The following KIRREL3 variants were observed in gnomAD, a reference collection of about 807,000 sequenced individuals.
KIRREL3 encodes kin of IRRE-like protein 3.
A neutral mutation model predicts 89.7 loss-of-function variants in KIRREL3; 36 were observed. The ratio of observed to expected loss-of-function variants is 0.40; its 90% CI spans 0.31 to 0.53. The LOEUF (loss-of-function observed/expected upper bound fraction) is 0.53, where lower values mean the gene tolerates loss of function less well. Among genes scored for constraint, KIRREL3 ranks in the 20% least tolerant of loss-of-function variants. The pLI, the probability that KIRREL3 is intolerant of heterozygous loss-of-function variation, is 0.49. For missense variants in KIRREL3, 864 were observed against 1,056.6 expected (o/e 0.82, Z 2.53); for synonymous variants, 445 against 441.4 (o/e 1.01, Z -0.10).
rs1212693017 is a variant in KIRREL3, at chr11:126,843,401, G to T, written c.55+157054C>A. 6.6e-6 allele frequency among the ~76,000 whole-genome samples: 1 copy of T among 152,138 alleles called. No homozygotes were observed. Among genetic ancestry groups the T allele is most frequent in the Non-Finnish European group, 1.5e-5 (1 of 68,036 alleles). Reference sequence around the variant, plus strand: ...GTGAGTGAGATTTCATGGGAGGTTGGAGTGGGTGAGCTCACTCACTCTGCC... The same window carrying T: ...GTGAGTGAGATTTCATGGGAGGTTGTAGTGGGTGAGCTCACTCACTCTGCC... On this transcript the variant is annotated intron_variant, in intron 1 of 16. Transcript: ENST00000525144. This position sits in a 1 kb window ranked among gnomAD's most constrained non-coding sequence, Gnocchi z 4.6.
At chr11:126,881,166 A>G (rs975761276) in intron 1 of KIRREL3, among the ~76,000 whole-genome samples, 2 of 152,206 alleles carry the variant, frequency 1.3e-5, no homozygotes, top group African/African-American at 4.8e-5. Context: ...TGTCACTGTA[A>G]CGTACCTAAT....
chr11:126,573,534 G>A (rs1941088274), intron 1 of KIRREL3, among the ~76,000 whole-genome samples: 1 of 150,994 alleles, frequency 6.6e-6, no homozygotes, highest in African/African-American at 2.4e-5. Flanking sequence ...AGCGGAAAAG[G>A]CAGGGAACCC....
chr11:126,809,657 T>A (rs929254678), intron 1 of KIRREL3, among the ~76,000 whole-genome samples: 5 of 152,232 alleles, frequency 3.3e-5, no homozygotes, highest in Non-Finnish European at 4.4e-5. Flanking sequence ...GTTAGAGGAC[T>A]CACAGAAGTC....
rs1324635346 is a variant in KIRREL3 at position 126,750,129 on chromosome 11, C to T, written c.56-187217G>A. On this transcript the variant is annotated intron_variant, in intron 1 of 16. Coordinates refer to ENST00000525144, the MANE Select transcript of KIRREL3 (RefSeq NM_032531.4). This position sits in a 1 kb window ranked among gnomAD's most constrained non-coding sequence, Gnocchi z 4.2. ...ATGGATGGAATAAATAAGTGCCTTGCACATAGTAGGCACAGAATACACAAT... is the reference window on the plus strand; with the variant it reads ...ATGGATGGAATAAATAAGTGCCTTGTACATAGTAGGCACAGAATACACAAT... Among the ~76,000 whole-genome samples the T allele has an allele frequency of 6.6e-6, 1 of 152,198 alleles. No individual in the cohort carries two copies. Among genetic ancestry groups the T allele is most frequent in the Non-Finnish European group, 1.5e-5 (1 of 68,036 alleles).
At chr11:126,507,954 A>G (rs753806209) in intron 4 of KIRREL3, among the ~76,000 whole-genome samples, 3 of 152,166 alleles carry the variant, frequency 2.0e-5, no homozygotes, top group Non-Finnish European at 4.4e-5. Context: ...CATCTTTAAA[A>G]TGAGTTCTCT....
Position 126,501,503 on chromosome 11 carries a change from G to A in KIRREL3, c.433+19812C>T, listed in dbSNP as rs1246938910. Among the ~76,000 whole-genome samples, 6 of 152,116 alleles carry A rather than the reference G, an allele frequency of 3.9e-5. No individual in the cohort carries two copies. The highest frequency in any genetic ancestry group is 1.4e-4 in the African/African-American group (6 of 41,404). ...AGCCCGTCCTGGGTCCTGTTGATGTGCTACACATTGCAGGGAGCATTTTCA... is the reference window on the plus strand; with the variant it reads ...AGCCCGTCCTGGGTCCTGTTGATGTACTACACATTGCAGGGAGCATTTTCA... On this transcript the variant is annotated intron_variant, in intron 4 of 16. Coordinates refer to ENST00000525144, the MANE Select transcript of KIRREL3 (RefSeq NM_032531.4). The surrounding 1 kb of genome is among the most constrained non-coding windows in gnomAD (Gnocchi z 5.8).
rs1273347203 is a variant in KIRREL3 at position 126,651,068 on chromosome 11, T to C, written c.56-88156A>G. Among the ~76,000 whole-genome samples, 1 of 152,184 alleles carries C rather than the reference T, an allele frequency of 6.6e-6. No homozygotes were observed. The highest frequency in any genetic ancestry group is 1.5e-5 in the Non-Finnish European group (1 of 68,018). On this transcript the variant is annotated intron_variant, in intron 1 of 16. Transcript: ENST00000525144. The surrounding 1 kb of genome is among the most constrained non-coding windows in gnomAD (Gnocchi z 4.6). ...AGTATGGGGGAAACCACCCCCATGA[T>C]TCAAATTATCTCCCACCGGGTCCCT...
intron 1 of KIRREL3, among the ~76,000 whole-genome samples, chr11:126,932,757 A>C (rs1467075226): frequency 6.6e-6 from 1 of 152,248 alleles, no homozygotes; most frequent in African/African-American, 2.4e-5. Flanking sequence ...TTAGAAAAAA[A>C]TAAACTCAAC....
rs1591770103 is a variant in KIRREL3 at position 126,579,872 on chromosome 11, G to A, written c.56-16960C>T. 6.7e-6 allele frequency among the ~76,000 whole-genome samples: 1 copy of A among 150,030 alleles called. No individual in the cohort carries two copies. The highest frequency in any genetic ancestry group is 2.0e-4 in the East Asian group (1 of 5,114). On this transcript the variant is annotated intron_variant, in intron 1 of 16. Coordinates refer to ENST00000525144, the MANE Select transcript of KIRREL3 (RefSeq NM_032531.4). This position sits in a 1 kb window ranked among gnomAD's most constrained non-coding sequence, Gnocchi z 5.3. ...AGTCATTTTTTTTTTTTGAGGCAGA[G>A]TCTTGCTCTGTCACCCAGGCTGGAG... is the stretch of plus-strand genomic sequence containing the variant.
intron 1 of KIRREL3, among the ~76,000 whole-genome samples, chr11:126,852,845 G>A (rs1808820070): frequency 6.6e-6 from 1 of 152,178 alleles, no homozygotes; most frequent in South Asian, 2.1e-4. Context: ...AGCTCTGGAA[G>A]GCAGGTGGAC....
intron 1 of KIRREL3, among the ~76,000 whole-genome samples, chr11:126,726,569 T>C (rs888003994): frequency 1.3e-5 from 2 of 152,180 alleles, no homozygotes; most frequent in African/African-American, 4.8e-5. Flanking sequence ...GGTTTCGCCA[T>C]GTTGGCCAGG....
rs1946433324 is a variant in KIRREL3, at chr11:126,903,035, A to G, written c.55+97420T>C. ...GTCCTATGACCTTGTGAAAGAAGCA[A>G]AAAATAGCATCATTTACTCAGCAGC... On this transcript the variant is annotated intron_variant, in intron 1 of 16. Coordinates refer to ENST00000525144, the MANE Select transcript of KIRREL3 (RefSeq NM_032531.4). The surrounding 1 kb of genome is among the most constrained non-coding windows in gnomAD (Gnocchi z 4.5). Among the ~76,000 whole-genome samples the G allele has an allele frequency of 6.6e-6, 1 of 152,218 alleles. No homozygotes were observed. Among genetic ancestry groups the G allele is most frequent in the Non-Finnish European group, 1.5e-5 (1 of 68,030 alleles).
intron 1 of KIRREL3, among the ~76,000 whole-genome samples, chr11:126,765,519 T>C (rs1466247671): frequency 1.3e-5 from 2 of 152,190 alleles, no homozygotes; most frequent in African/African-American, 2.4e-5. Context: ...CTCCTGCATT[T>C]AGCTGTGGAA....
chr11:126,845,438 T>A (rs1217688318), intron 1 of KIRREL3, among the ~76,000 whole-genome samples: 3 of 152,210 alleles, frequency 2.0e-5, no homozygotes, highest in African/African-American at 7.2e-5. Flanking sequence ...TTCGTGAGGC[T>A]AATCTTAAGC....
At chr11:126,688,096 T>C (rs1403473358) in intron 1 of KIRREL3, among the ~76,000 whole-genome samples, 3 of 152,184 alleles carry the variant, frequency 2.0e-5, no homozygotes, top group East Asian at 1.9e-4. Flanking sequence ...CTAAAATAAT[T>C]TGGGCTTGAA....
rs755839255 is a variant in KIRREL3, at chr11:126,750,034, T to C, written c.56-187122A>G. Among the ~76,000 whole-genome samples the C allele has an allele frequency of 7.9e-5, 12 of 152,218 alleles. No homozygotes were observed. The highest frequency in any genetic ancestry group is 1.5e-4 in the Non-Finnish European group (10 of 68,038). ...GTTTCCTGACTTTACTGAACTTCAGTTTAGTTTCCTCATCTGTAAAATGCA... is the reference window on the plus strand; with the variant it reads ...GTTTCCTGACTTTACTGAACTTCAGCTTAGTTTCCTCATCTGTAAAATGCA... On this transcript the variant is annotated intron_variant, in intron 1 of 16. Coordinates refer to ENST00000525144, the MANE Select transcript of KIRREL3 (RefSeq NM_032531.4). This position sits in a 1 kb window ranked among gnomAD's most constrained non-coding sequence, Gnocchi z 4.2.
In KIRREL3 at chr11:126,463,404, G is replaced by C. The variant is rs747379424; in HGVS notation, c.592-97C>G. ...AAACGAGCACCAGCTTAGACAGAAG[G>C]GGGAGCTGTGGATGGAGGGGTTCAG... On this transcript the variant is annotated intron_variant, in intron 5 of 16. Coordinates refer to ENST00000525144, the MANE Select transcript of KIRREL3 (RefSeq NM_032531.4). The surrounding 1 kb of genome is among the most constrained non-coding windows in gnomAD (Gnocchi z 5.9). 7.2e-6 allele frequency: 9 copies of C among 1,244,612 alleles called. No individual in the cohort carries two copies. Among genetic ancestry groups the C allele is most frequent in the Admixed American group, 4.4e-5 (2 of 45,638 alleles). The allele number at this position is 1,244,612 out of a possible 1,614,324, so 77.1% of individuals were successfully genotyped here. A position where few individuals can be genotyped will look rare whatever the true frequency, so the allele number is the denominator to read the frequency against.
intron 1 of KIRREL3, among the ~76,000 whole-genome samples, chr11:126,923,209 T>A (rs866145019): frequency 2.6e-4 from 3 of 11,610 alleles, no homozygotes; most frequent in Non-Finnish European, 1.6e-4. Flanking sequence ...TTCTTCTTCT[T>A]CTTCTTCTTC....
chr11:126,957,789 A>G (rs1565456801), intron 1 of KIRREL3, among the ~76,000 whole-genome samples: 2 of 152,238 alleles, frequency 1.3e-5, no homozygotes, highest in Non-Finnish European at 2.9e-5. Context: ...GCGGAGAACC[A>G]GATGTCTGGT....
Sources: gnomAD v4.1 joint callset for allele counts (sites outside exome capture counted in the v4.1 genomes callset) on GRCh38, gnomAD v4.1.1 for gene constraint, Gnocchi (gnomAD v3.1) non-coding constraint, MANE v1.5 for transcripts, NCBI Gene and HGNC (gene_info 2026-07-23, HGNC 2026-07-21) for gene names.